The following CACNB4 variants were observed in gnomAD, a reference collection of about 807,000 sequenced individuals.
The protein encoded by CACNB4 is voltage-dependent L-type calcium channel subunit beta-4.
Under a neutral mutation model 71.2 loss-of-function variants are expected in CACNB4, and 32 were observed. That is an observed-to-expected ratio of 0.45 (90% confidence interval 0.34 to 0.60). The LOEUF is 0.60. CACNB4 is among the 20% of genes least tolerant of loss of function. CACNB4 has a pLI of 0.01. For missense variants in CACNB4, 464 were observed against 647.9 expected (o/e 0.72, Z 3.08); for synonymous variants, 231 against 236.9 (o/e 0.97, Z 0.23).
At chr2:152,046,276 T>A (rs1685138025) in intron 2 of CACNB4, among the ~76,000 whole-genome samples, 1 of 152,132 alleles carries the variant, frequency 6.6e-6, no homozygotes, top group Non-Finnish European at 1.5e-5. Context: ...GGCAGAAACA[T>A]CACCAAAATT....
chr2:152,022,339 A>G (rs1274092741), intron 2 of CACNB4, among the ~76,000 whole-genome samples: 1 of 152,238 alleles, frequency 6.6e-6, no homozygotes, highest in Non-Finnish European at 1.5e-5. Context: ...GGTGGAGGGA[A>G]TGTGAAACCA....
intron 2 of CACNB4, among the ~76,000 whole-genome samples, chr2:152,081,884 G>T (rs1346472519): frequency 1.3e-5 from 2 of 152,248 alleles, no homozygotes; most frequent in African/African-American, 4.8e-5. Context: ...CAAACACGGA[G>T]TAAGCAGGAA....
intron 2 of CACNB4, among the ~76,000 whole-genome samples, chr2:151,928,893 C>A (rs1426838248): frequency 1.4e-5 from 2 of 146,446 alleles, no homozygotes; most frequent in Admixed American, 1.4e-4. Flanking sequence ...GGCTGAGTGA[C>A]AGAGTGAGAC....
chr2:151,912,124 G>C (rs1018586818), intron 2 of CACNB4, among the ~76,000 whole-genome samples: 7 of 151,994 alleles, frequency 4.6e-5, no homozygotes, highest in Middle Eastern at 3.2e-3. Flanking sequence ...AACAGCTCCT[G>C]GATTCGGTGA....
intron 2 of CACNB4, among the ~76,000 whole-genome samples, chr2:151,991,730 C>T (rs1256019059): frequency 6.6e-6 from 1 of 151,986 alleles, no homozygotes; most frequent in Non-Finnish European, 1.5e-5. Flanking sequence ...TTAAAAAAAT[C>T]GTGAAAAACT....
intron 2 of CACNB4, among the ~76,000 whole-genome samples, chr2:151,940,667 C>T (rs1401499601): frequency 6.6e-6 from 1 of 152,076 alleles, no homozygotes; most frequent in Admixed American, 6.5e-5. Context: ...TGGGGGTAAT[C>T]TTTGAGGTGA....
intron 2 of CACNB4, among the ~76,000 whole-genome samples, chr2:151,935,997 T>C (rs2099862827): frequency 6.6e-6 from 1 of 152,214 alleles, no homozygotes; most frequent in Admixed American, 6.5e-5. Flanking sequence ...TTTCAGGTGC[T>C]GGTGAATGAA....
At chr2:151,961,913 G>A (rs2099869763) in intron 2 of CACNB4, among the ~76,000 whole-genome samples, 1 of 151,756 alleles carries the variant, frequency 6.6e-6, no homozygotes, top group Non-Finnish European at 1.5e-5. Flanking sequence ...AAAAAAGAAT[G>A]TCTCCCAATT....
intron 2 of CACNB4, among the ~76,000 whole-genome samples, chr2:151,919,521 T>C (rs141258269): frequency 1.3e-3 from 193 of 152,278 alleles, no homozygotes; most frequent in African/African-American, 4.5e-3. Context: ...AGGTCTAAGA[T>C]GCAAAATGTA....
At chr2:151,889,234 C>T (rs975875866) in intron 2 of CACNB4, among the ~76,000 whole-genome samples, 17 of 151,622 alleles carry the variant, frequency 1.1e-4, no homozygotes, top group Non-Finnish European at 1.6e-4. Context: ...TTTGGGAGGC[C>T]GAGGCAGACG....
chr2:152,011,698 T>C (rs1683066109), intron 2 of CACNB4, among the ~76,000 whole-genome samples: 1 of 152,244 alleles, frequency 6.6e-6, no homozygotes, highest in Non-Finnish European at 1.5e-5. Context: ...GACAGTCCCT[T>C]GCAGGAATTC....
intron 2 of CACNB4, among the ~76,000 whole-genome samples, chr2:151,990,606 A>G (rs1010224839): frequency 6.6e-6 from 1 of 152,164 alleles, no homozygotes; most frequent in Non-Finnish European, 1.5e-5. Context: ...GTGCCCCCCA[A>G]TCTTTTAACA....
chr2:151,883,636 C>G (rs1392432512), intron 2 of CACNB4: 2 of 455,844 alleles, frequency 4.4e-6, no homozygotes, highest in Non-Finnish European at 8.1e-6. Context: ...TACTCAGCAC[C>G]AATTCTTCTT....
intron 2 of CACNB4, among the ~76,000 whole-genome samples, chr2:151,992,133 G>A (rs1681743752): frequency 6.6e-6 from 1 of 152,196 alleles, no homozygotes; most frequent in Non-Finnish European, 1.5e-5. Flanking sequence ...GGCCTGGATG[G>A]AGTAAACTCC....
chr2:151,953,853 T>C (rs1268020096), intron 2 of CACNB4, among the ~76,000 whole-genome samples: 2 of 152,254 alleles, frequency 1.3e-5, no homozygotes, highest in Non-Finnish European at 2.9e-5. Context: ...AGAATGCATC[T>C]GTAAACAGTC....
chr2:152,049,172 A>T (rs1352893562), intron 2 of CACNB4, among the ~76,000 whole-genome samples: 72 of 146,370 alleles, frequency 4.9e-4, no homozygotes, highest in East Asian at 4.1e-3. Flanking sequence ...TTTTTTTTTT[A>T]AACTTTTTTT....
chr2:151,845,240 G>A (rs948635508), intron 12 of CACNB4, among the ~76,000 whole-genome samples: 6 of 152,188 alleles, frequency 3.9e-5, no homozygotes, highest in African/African-American at 1.4e-4. Context: ...TCATTTCTAG[G>A]AAACTGCTTT....
chr2:151,965,709 T>G (rs985358074), intron 2 of CACNB4, among the ~76,000 whole-genome samples: 1 of 149,212 alleles, frequency 6.7e-6, no homozygotes, highest in South Asian at 2.1e-4. Flanking sequence ...TTAGGAGAAA[T>G]TTACTTCTCA....
At chr2:152,068,514 C>T (rs925866567) in intron 2 of CACNB4, among the ~76,000 whole-genome samples, 8 of 152,058 alleles carry the variant, frequency 5.3e-5, no homozygotes, top group African/African-American at 1.4e-4. Context: ...TGGTTTTAGA[C>T]CAGGGGCTAC....
Sources: allele counts gnomAD v4.1 joint callset (sites outside exome capture counted in the v4.1 genomes callset), GRCh38; gene constraint gnomAD v4.1.1; transcripts MANE v1.5; gene names NCBI Gene and HGNC (gene_info 2026-07-23, HGNC 2026-07-21).